Variants in KCTD19 observed in about 807,000 individuals in gnomAD.
KCTD19 encodes the protein BTB/POZ domain-containing protein KCTD19.
Under a neutral mutation model 103.5 loss-of-function variants are expected in KCTD19, and 67 were observed. The ratio of observed to expected loss-of-function variants is 0.65; its 90% CI spans 0.53 to 0.79. The LOEUF is 0.79. KCTD19 is among the 30% of genes least tolerant of loss of function. The pLI is 0.00. For synonymous variants in KCTD19, 439 were observed against 452.2 expected (o/e 0.97, Z 0.37); for missense variants, 980 against 1,136.1 (o/e 0.86, Z 1.98).
At chr16:67,298,802 C>T (rs554522906) in intron 6 of KCTD19, among the ~76,000 whole-genome samples, 1 of 152,338 alleles carries the variant, frequency 6.6e-6, no homozygotes, top group East Asian at 1.9e-4. Flanking sequence ...TGTTCTGCAC[C>T]TCAGTTTGCC....
rs1419938719 is a variant in KCTD19 at position 67,295,017 on chromosome 16, G to A, written c.1431C>T (p.His477=). Residue 477 remains histidine (H), a synonymous_variant, in exon 10 of 16, where the codon CAC becomes CAT. Coordinates refer to ENST00000304372, the MANE Select transcript of KCTD19 (RefSeq NM_001100915.3). Reference sequence around the variant, plus strand: ...CAAGGGCTTCTGAGAGGGATGGAATGTGGTATTCCTCCACCTCCTGGCAGA... The same window carrying A: ...CAAGGGCTTCTGAGAGGGATGGAATATGGTATTCCTCCACCTCCTGGCAGA... ...PLFCQEVEEY[H]IPSLSEALAQ... 7 of 1,614,002 alleles carry A rather than the reference G, an allele frequency of 4.3e-6. No homozygotes were observed.
At chr16:67,290,796 G>T in intron 15 of KCTD19, 89 bp downstream of exon 15, 1 of 1,226,498 alleles carries the variant, frequency 8.2e-7, no homozygotes, top group Non-Finnish European at 1.1e-6. Flanking sequence ...TCTGGGCAGT[G>T]CTGGCCCAGC....
rs115496688 is a variant in KCTD19, at chr16:67,296,693, A to C, written c.1148-434T>G. 1.4e-3 allele frequency among the ~76,000 whole-genome samples: 216 copies of C among 152,338 alleles called. 1 individual carries two copies. Among genetic ancestry groups the C allele is most frequent in the African/African-American group, 5.1e-3 (212 of 41,572 alleles). On this transcript the variant is annotated intron_variant, in intron 7 of 15. Transcript: ENST00000304372. Reference sequence around the variant, plus strand: ...AAATCCCTGTCACTTTTATGAGACTAAGCCTCTAGGCATGTCTGGAGAATG... The same window carrying C: ...AAATCCCTGTCACTTTTATGAGACTCAGCCTCTAGGCATGTCTGGAGAATG...
chr16:67,309,045 T>C (rs992443441), intron 2 of KCTD19, among the ~76,000 whole-genome samples: 1 of 150,476 alleles, frequency 6.6e-6, no homozygotes, highest in Non-Finnish European at 1.5e-5. Flanking sequence ...GAGGCAATCA[T>C]TTGAACCCAG....
At chr16:67,306,046 A>C (rs1451376600) in intron 2 of KCTD19, among the ~76,000 whole-genome samples, 2 of 152,118 alleles carry the variant, frequency 1.3e-5, no homozygotes, top group African/African-American at 4.8e-5. Context: ...ACAATGGGGG[A>C]GACAGTGTGT....
chr16:67,291,165 C>T (rs562987994), intron 14 of KCTD19, 144 bp downstream of exon 14: 5 of 1,196,642 alleles, frequency 4.2e-6, no homozygotes, highest in Non-Finnish European at 5.8e-6. Flanking sequence ...GCTTGCCTCC[C>T]TGTCCCACCA....
At chr16:67,309,951 T>TAA (rs1171579275) in intron 2 of KCTD19, among the ~76,000 whole-genome samples, 2 of 152,088 alleles carry the variant, frequency 1.3e-5, no homozygotes, top group South Asian at 2.1e-4. Flanking sequence ...CAAGAAATCT[T>TAA]AAAAAAGAGA....
intron 15 of KCTD19, among the ~76,000 whole-genome samples, chr16:67,290,534 G>A (rs192808988): frequency 6.6e-6 from 1 of 152,310 alleles, no homozygotes; most frequent in Admixed American, 6.5e-5. Context: ...TGGTGACATC[G>A]TGGCCAGATA....
At chr16:67,310,635 A>G (rs764220803) in intron 2 of KCTD19, among the ~76,000 whole-genome samples, 8 of 152,196 alleles carry the variant, frequency 5.3e-5, no homozygotes, top group Non-Finnish European at 1.2e-4. Context: ...TGTCAATCAG[A>G]AGCAACATAA....
chr16:67,299,712 T>C lies in KCTD19; in HGVS notation c.776-139A>G. The C allele has an allele frequency of 6.3e-6, 4 of 639,886 alleles. 1 individual carries two copies. The South Asian group carries it at 8.7e-5, about 14-fold the overall frequency. 39.6% of individuals were successfully genotyped at this position (639,886 alleles called of 1,614,324 possible). A position where few individuals can be genotyped will look rare whatever the true frequency, so the allele number is the denominator to read the frequency against. On this transcript the variant is annotated intron_variant, in intron 5 of 15. Coordinates refer to ENST00000304372, the MANE Select transcript of KCTD19 (RefSeq NM_001100915.3). ...AGGATATTTCTTTGCACAGTCCAAA[T>C]CAAGATCTTCTCAAAATTAGTATAA... is the stretch of plus-strand genomic sequence containing the variant.
rs1227612603 is a variant in KCTD19 at position 67,320,776 on chromosome 16, A to G, written c.113T>C (p.Leu38Pro). The part of the protein sequence containing the change: ...RSKLSQFPDS[L>P]LWKEASALTS... ...CAAGGCTGAAGCCTCTTTCCACAGC[A>G]GGGAGTCTGGAAACTGAGAGAGTTT... is the stretch of plus-strand genomic sequence containing the variant. The change falls in exon 2 of 16, where the codon CTG (leucine) becomes CCG (proline). Residue 38 changes from leucine (L) to proline (P), a missense_variant. Leu to Pro is a moderately conservative substitution (Grantham distance 98). Transcript: ENST00000304372. The surrounding 1 kb of genome is among the most constrained non-coding windows in gnomAD (Gnocchi z 4.0). The G allele has an allele frequency of 6.2e-7, 1 of 1,614,232 alleles. No homozygotes were observed. The highest frequency in any genetic ancestry group is 8.5e-7 in the Non-Finnish European group (1 of 1,180,038).
At chr16:67,322,306 T>G (rs2037083196) in intron 1 of KCTD19, among the ~76,000 whole-genome samples, 1 of 151,828 alleles carries the variant, frequency 6.6e-6, no homozygotes, top group Admixed American at 6.6e-5. Context: ...ATCTTTTTTT[T>G]TTTTTTTTTG....
chr16:67,317,195 C>T (rs971031339), intron 2 of KCTD19, among the ~76,000 whole-genome samples: 4 of 152,014 alleles, frequency 2.6e-5, no homozygotes. Context: ...ATGTGACAGT[C>T]TGAGACCCAG....
intron 1 of KCTD19, among the ~76,000 whole-genome samples, chr16:67,324,051 T>C (rs2037104066): frequency 6.6e-6 from 1 of 152,138 alleles, no homozygotes; most frequent in South Asian, 2.1e-4. Context: ...CCTCAGCTCA[T>C]TGTTAAAAGT....
chr16:67,303,111 C>CGGGGGGGG lies in KCTD19; in HGVS notation c.643+34_643+35insCCCCCCCC. 2.3e-6 allele frequency: 1 copy of CGGGGGGGG among 435,808 alleles called. No homozygotes were observed. The highest frequency in any genetic ancestry group is 4.5e-6 in the Non-Finnish European group (1 of 222,558). The allele number at this position is 435,808 out of a possible 1,614,324, so 27.0% of individuals were successfully genotyped here. On this transcript the variant is annotated intron_variant, in intron 4 of 15. Transcript: ENST00000304372. The surrounding 1 kb of genome is among the most constrained non-coding windows in gnomAD (Gnocchi z 4.3). ...GGGAGGGGTGAATGGGCCCTATCAGCCCGCCCCCCACCCCACCCCGGACAG... is the reference window on the plus strand; with the variant it reads ...GGGAGGGGTGAATGGGCCCTATCAGCGGGGGGGGCCGCCCCCCACCCCACCCCGGACAG...
chr16:67,303,110 GCCCGCCCCCCAC>G lies in KCTD19; in HGVS notation c.643+24_643+35del. On this transcript the variant is annotated intron_variant, in intron 4 of 15. Transcript: ENST00000304372. The surrounding 1 kb of genome is among the most constrained non-coding windows in gnomAD (Gnocchi z 4.3). ...GGGGAGGGGTGAATGGGCCCTATCA[GCCCGCCCCCCAC>G]CCCACCCCGGACAGAGCAATCACCA... 2.1e-6 allele frequency: 2 copies of G among 947,026 alleles called. No homozygotes were observed. Among genetic ancestry groups the G allele is most frequent in the African/African-American group, 1.7e-5 (1 of 58,326 alleles). 58.7% of individuals were successfully genotyped at this position (947,026 alleles called of 1,614,324 possible).
intron 2 of KCTD19, among the ~76,000 whole-genome samples, chr16:67,311,385 C>T (rs1315279728): frequency 2.0e-5 from 3 of 152,160 alleles, no homozygotes; most frequent in East Asian, 3.9e-4. Context: ...TCACTGCAAC[C>T]TCCGCCTCCC....
chr16:67,294,908 C>A (rs1286668067), intron 10 of KCTD19, 65 bp downstream of exon 10: 22 of 1,302,858 alleles, frequency 1.7e-5, no homozygotes, highest in Non-Finnish European at 2.4e-5. Context: ...GGACTTAGGA[C>A]AGGATTTCAA....
chr16:67,320,723 T>C lies in KCTD19; in HGVS notation c.166A>G (p.Ile56Val), dbSNP rs2037063329. 1 of 1,614,072 alleles carries C rather than the reference T, an allele frequency of 6.2e-7. No individual in the cohort carries two copies. Among genetic ancestry groups the C allele is most frequent in the African/African-American group, 1.3e-5 (1 of 74,918 alleles). ...LTSSESQRLF[I>V]DRDGSTFRHV... ...CTAAATGTGGAACCATCTCTGTCGA[T>C]AAATAGCCTCTGGCTTTCTGAAGAG... The change falls in exon 2 of 16, where the codon ATC (isoleucine) becomes GTC (valine). Residue 56 changes from isoleucine to valine, a missense_variant. Physicochemically the swap from Ile to Val is conservative, Grantham distance 29. Coordinates refer to ENST00000304372, the MANE Select transcript of KCTD19 (RefSeq NM_001100915.3). The surrounding 1 kb of genome is among the most constrained non-coding windows in gnomAD (Gnocchi z 4.0).
Sources: gnomAD v4.1 joint callset for allele counts (sites outside exome capture counted in the v4.1 genomes callset) on GRCh38, gnomAD v4.1.1 for gene constraint, Gnocchi (gnomAD v3.1) non-coding constraint, MANE v1.5 for transcripts, NCBI Gene and HGNC (gene_info 2026-07-23, HGNC 2026-07-21) for gene names.